The following DOCK4 variants were observed in gnomAD, a reference collection of about 807,000 sequenced individuals.
DOCK4 encodes the protein dedicator of cytokinesis 4.
Under a neutral mutation model 268.1 loss-of-function variants are expected in DOCK4, and 97 were observed. The ratio of observed to expected loss-of-function variants is 0.36; its 90% CI spans 0.31 to 0.43. The LOEUF (loss-of-function observed/expected upper bound fraction) is 0.43. Among genes scored for constraint, DOCK4 ranks in the 20% least tolerant of loss-of-function variants. The pLI is 1.00. For synonymous variants in DOCK4, 954 were observed against 887.2 expected, an observed-to-expected ratio of 1.08 and a Z score of -1.34; for missense variants, 2,145 against 2,455.7, an observed-to-expected ratio of 0.87 and a Z score of 2.67.
chr7:111,736,765 A>ACTGT (rs1795518983), intron 50 of DOCK4, among the ~76,000 whole-genome samples, 152 bp downstream of exon 50: 1 of 152,206 alleles, frequency 6.6e-6, no homozygotes, highest in Non-Finnish European at 1.5e-5. Context: ...ATCATGAATA[A>ACTGT]CTGTCTTTCA....
chr7:111,819,090 T>A (rs1801783241), intron 27 of DOCK4, among the ~76,000 whole-genome samples: 1 of 152,166 alleles, frequency 6.6e-6, no homozygotes, highest in South Asian at 2.1e-4. Context: ...TAGATCTCAT[T>A]TGAAACCCAA....
At chr7:111,851,501 ACT>A (rs1170347002) in intron 23 of DOCK4, among the ~76,000 whole-genome samples, 2 of 151,892 alleles carry the variant, frequency 1.3e-5, no homozygotes, top group African/African-American at 4.8e-5. Flanking sequence ...AATCCTAGTG[ACT>A]CTGAGTTAGA....
chr7:112,198,747 A>G (rs549619645), intron 1 of DOCK4, among the ~76,000 whole-genome samples: 3 of 152,208 alleles, frequency 2.0e-5, no homozygotes, highest in African/African-American at 7.2e-5. Context: ...CTGTGCATCG[A>G]CTGCCTCTTC....
intron 1 of DOCK4, among the ~76,000 whole-genome samples, chr7:112,181,203 C>T (rs1422397887): frequency 1.3e-5 from 2 of 152,032 alleles, no homozygotes; most frequent in African/African-American, 4.8e-5. Flanking sequence ...AGATAATTTG[C>T]TATGATCTAG....
chr7:111,867,592 T>C (rs1036370139), intron 22 of DOCK4, among the ~76,000 whole-genome samples: 10 of 152,138 alleles, frequency 6.6e-5, no homozygotes, highest in African/African-American at 1.9e-4. Flanking sequence ...CTGAGTCCAA[T>C]ATAATGATTC....
intron 25 of DOCK4, among the ~76,000 whole-genome samples, chr7:111,843,000 A>G (rs1480177473): frequency 2.6e-5 from 4 of 152,252 alleles, no homozygotes; most frequent in Non-Finnish European, 5.9e-5. Context: ...TGTCTTGGTC[A>G]TAAGAGAAAA....
intron 26 of DOCK4, among the ~76,000 whole-genome samples, chr7:111,827,504 C>T (rs975262553): frequency 2.0e-5 from 3 of 151,892 alleles, no homozygotes; most frequent in South Asian, 2.1e-4. Context: ...CATTATTGCA[C>T]GCTATCAGAG....
intron 1 of DOCK4, among the ~76,000 whole-genome samples, chr7:112,017,634 A>G (rs1801925029): frequency 6.6e-6 from 1 of 152,226 alleles, no homozygotes; most frequent in African/African-American, 2.4e-5. Flanking sequence ...TACTGTTCAC[A>G]GCCCTCAGGA....
At chr7:111,940,958 C>T (rs1210235686) in intron 10 of DOCK4, among the ~76,000 whole-genome samples, 1 of 152,138 alleles carries the variant, frequency 6.6e-6, no homozygotes, top group Non-Finnish European at 1.5e-5. Context: ...AAATTTGTCT[C>T]TAGGTGCTTT....
intron 1 of DOCK4, among the ~76,000 whole-genome samples, chr7:112,119,107 T>C (rs1054142992): frequency 2.6e-5 from 4 of 152,308 alleles, no homozygotes; most frequent in African/African-American, 9.6e-5. Context: ...CAAGTCATTA[T>C]GTCATTCCAT....
At chr7:112,164,022 C>A (rs115178401) in intron 1 of DOCK4, among the ~76,000 whole-genome samples, 1 of 152,024 alleles carries the variant, frequency 6.6e-6, no homozygotes, top group Non-Finnish European at 1.5e-5. Context: ...GAGGCTCATG[C>A]GTATAATCCC....
intron 23 of DOCK4, among the ~76,000 whole-genome samples, chr7:111,851,089 C>G (rs1174067734): frequency 6.6e-6 from 1 of 152,132 alleles, no homozygotes. Context: ...TTACCTTACA[C>G]CAAATGCAAA....
intron 1 of DOCK4, among the ~76,000 whole-genome samples, chr7:112,174,939 CTTTT>C (rs368676870): frequency 2.3e-5 from 3 of 131,268 alleles, no homozygotes; most frequent in Non-Finnish European, 1.6e-5. Flanking sequence ...TCCCCTGGAA[CTTTT>C]TTTTTTTTTT....
chr7:112,071,029 T>C (rs184981805), intron 1 of DOCK4, among the ~76,000 whole-genome samples: 6 of 152,298 alleles, frequency 3.9e-5, no homozygotes, highest in Non-Finnish European at 8.8e-5. Flanking sequence ...AGGCAAATGC[T>C]GTAAGTAAAG....
intron 1 of DOCK4, among the ~76,000 whole-genome samples, chr7:112,025,717 TCTCA>T (rs1802728470): frequency 1.3e-5 from 2 of 152,132 alleles, no homozygotes; most frequent in Non-Finnish European, 2.9e-5. Flanking sequence ...GGGTCTCTTC[TCTCA>T]CTATCTTTTA....
At chr7:111,811,664 T>C (rs1458846348) in intron 28 of DOCK4, among the ~76,000 whole-genome samples, 1 of 152,116 alleles carries the variant, frequency 6.6e-6, no homozygotes, top group Admixed American at 6.5e-5. Context: ...AAATGTATAG[T>C]AACAATAAAA....
intron 27 of DOCK4, 92 bp from the exon 28 acceptor site, chr7:111,812,041 CCTT>C (rs1414473845): frequency 1.5e-5 from 10 of 645,194 alleles, no homozygotes; most frequent in African/African-American, 5.6e-5. Context: ...TAAAATAAAA[CCTT>C]CTTCAGTAAG....
Position 111,728,701 on chromosome 7 carries a change from G to A in DOCK4, c.5501C>T (p.Thr1834Ile), listed in dbSNP as rs759178236. 1 of 1,612,540 alleles carries A rather than the reference G, an allele frequency of 6.2e-7. No homozygotes were observed. Among genetic ancestry groups the A allele is most frequent in the African/African-American group, 1.3e-5 (1 of 74,932 alleles). ...SPLKGSVQSF[T>I]PSPVEYHSPG... Reference sequence around the variant, plus strand: ...CGAGTGGTACTCCACTGGAGAGGGGGTGAAAGACTGCACAGAGCCCTGCTC... The same window carrying A: ...CGAGTGGTACTCCACTGGAGAGGGGATGAAAGACTGCACAGAGCCCTGCTC... The change falls in exon 53 of 53, where the codon ACC becomes ATC. Residue 1834 changes from threonine (T) to isoleucine (I), a missense_variant. Transcript: ENST00000428084.
intron 13 of DOCK4, among the ~76,000 whole-genome samples, chr7:111,907,385 A>T (rs1185807738): frequency 6.6e-6 from 1 of 152,138 alleles, no homozygotes; most frequent in Non-Finnish European, 1.5e-5. Context: ...GCATGGATAA[A>T]CTGTGGTTCC....
Sources: gnomAD v4.1 joint callset for allele counts (sites outside exome capture counted in the v4.1 genomes callset) on GRCh38, gnomAD v4.1.1 for gene constraint, MANE v1.5 for transcripts, NCBI Gene and HGNC (gene_info 2026-07-23, HGNC 2026-07-21) for gene names.